Variants in ATF3 observed in about 807,000 individuals in gnomAD.
ATF3 encodes the protein cyclic AMP-dependent transcription factor ATF-3.
ATF3 carries 10 observed loss-of-function variants against 18.4 expected under a neutral mutation model. That is an observed-to-expected ratio of 0.54 (90% CI 0.34 to 0.92). The LOEUF is 0.92. Among genes scored for constraint, ATF3 ranks in the 40% least tolerant of loss-of-function variants. The pLI is 0.02. For synonymous variants in ATF3, 78 were observed against 87.9 expected (o/e 0.89, Z 0.63); for missense variants, 183 against 222.3 (o/e 0.82, Z 1.12).
At chr1:212,615,458 G>T (rs374084210) in intron 2 of ATF3, among the ~76,000 whole-genome samples, 197 bp downstream of exon 2, 2 of 152,116 alleles carry the variant, frequency 1.3e-5, no homozygotes, top group East Asian at 3.9e-4. Context: ...TGAGTGCAAA[G>T]GAGAAAAAAG....
chr1:212,616,801 T>C (rs1655148265), intron 2 of ATF3, among the ~76,000 whole-genome samples: 1 of 151,964 alleles, frequency 6.6e-6, no homozygotes, highest in South Asian at 2.1e-4. Flanking sequence ...TGCTGATAGA[T>C]TGGATGTGGG....
At chr1:212,589,701 AAAAG>A (rs1369496691) in intron 1 of ATF3, among the ~76,000 whole-genome samples, 2 of 151,888 alleles carry the variant, frequency 1.3e-5, no homozygotes, top group East Asian at 3.8e-4. Flanking sequence ...AAAAGAAAGA[AAAAG>A]AAGAAGAAAA....
rs754360451 is a variant in ATF3, at chr1:212,615,027, G to A, written c.6G>A (p.Met2Ile). 1 of 1,614,174 alleles carries A rather than the reference G, an allele frequency of 6.2e-7. No individual in the cohort carries two copies. The highest frequency in any genetic ancestry group is 1.1e-5 in the South Asian group (1 of 91,082). Residue 2 changes from methionine to isoleucine, a missense_variant, in exon 2 of 4, where the codon ATG becomes ATA. Coordinates refer to ENST00000341491, the MANE Select transcript of ATF3 (RefSeq NM_001674.4). Reference protein sequence around the residue: MMLQHPGQVSAS... With the variant: MILQHPGQVSAS... The stretch of plus-strand genomic sequence containing the variant: ...TCAATGTGTCTTTCAGCAAAATGAT[G>A]CTTCAACACCCAGGCCAGGTCTCTG...
intron 1 of ATF3, among the ~76,000 whole-genome samples, chr1:212,594,948 CA>C (rs1664961359): frequency 6.6e-6 from 1 of 152,154 alleles, no homozygotes; most frequent in Non-Finnish European, 1.5e-5. Flanking sequence ...GGCTCACAGC[CA>C]TTCCGATTCT....
intron 1 of ATF3, among the ~76,000 whole-genome samples, chr1:212,575,076 A>C (rs1236800288): frequency 6.6e-6 from 1 of 152,114 alleles, no homozygotes; most frequent in Non-Finnish European, 1.5e-5. Flanking sequence ...ATAAATATGG[A>C]GATGGCTAAT....
intron 1 of ATF3, among the ~76,000 whole-genome samples, chr1:212,593,560 T>A (rs1232357163): frequency 6.6e-6 from 1 of 151,262 alleles, no homozygotes; most frequent in Non-Finnish European, 1.5e-5. Flanking sequence ...CAAAGTGAGA[T>A]CATCTGTACT....
chr1:212,594,261 C>T (rs1664947837), intron 1 of ATF3, among the ~76,000 whole-genome samples: 1 of 152,180 alleles, frequency 6.6e-6, no homozygotes, highest in Non-Finnish European at 1.5e-5. Context: ...AGTCTACATG[C>T]TTCATGAATT....
chr1:212,580,306 C>G (rs970890054), intron 1 of ATF3, among the ~76,000 whole-genome samples: 2 of 151,824 alleles, frequency 1.3e-5, no homozygotes, highest in Non-Finnish European at 2.9e-5. Context: ...ATTTTCACTA[C>G]TGTTTACTTT....
intron 1 of ATF3, among the ~76,000 whole-genome samples, chr1:212,611,581 C>T (rs557153860): frequency 6.6e-6 from 1 of 152,224 alleles, no homozygotes; most frequent in South Asian, 2.1e-4. Context: ...CAGCTTTGCA[C>T]CTCTTCAAGA....
At chr1:212,616,270 AAC>A (rs546591079) in intron 2 of ATF3, among the ~76,000 whole-genome samples, 17 of 150,288 alleles carry the variant, frequency 1.1e-4, no homozygotes, top group South Asian at 2.1e-4. Context: ...AACAAGATTC[AAC>A]ACACACACAC....
At chr1:212,585,497 A>G (rs1664764087) in intron 1 of ATF3, among the ~76,000 whole-genome samples, 1 of 152,046 alleles carries the variant, frequency 6.6e-6, no homozygotes, top group Non-Finnish European at 1.5e-5. Flanking sequence ...GCCACCTCAA[A>G]CCACCCCATC....
At chr1:212,567,987 G>C (rs1416277516) in intron 1 of ATF3, among the ~76,000 whole-genome samples, 1 of 152,190 alleles carries the variant, frequency 6.6e-6, no homozygotes, top group African/African-American at 2.4e-5. Flanking sequence ...CTTTGCCTAT[G>C]TCAGAAGAAG....
chr1:212,575,015 C>A (rs1664548466), intron 1 of ATF3, among the ~76,000 whole-genome samples: 1 of 152,100 alleles, frequency 6.6e-6, no homozygotes, highest in Non-Finnish European at 1.5e-5. Flanking sequence ...TGTGCACACA[C>A]ACACACGCAT....
chr1:212,582,668 A>G (rs994722363), intron 1 of ATF3, among the ~76,000 whole-genome samples: 1 of 152,172 alleles, frequency 6.6e-6, no homozygotes, highest in Non-Finnish European at 1.5e-5. Flanking sequence ...TTCAACAGTC[A>G]AAGCTCCTGA....
chr1:212,618,441 C>T lies in ATF3; in HGVS notation c.348+207C>T, dbSNP rs1048073627. On this transcript the variant is annotated intron_variant, in intron 3 of 3. Transcript: ENST00000341491. The surrounding 1 kb of genome is among the most constrained non-coding windows in gnomAD (Gnocchi z 4.4). ...GGATGTGACGGTGGATGTATAAAAA[C>T]AGGTGTGTGAATTCGTCTGATGCCT... is the stretch of plus-strand genomic sequence containing the variant. The T allele has an allele frequency of 4.8e-5, 29 of 608,820 alleles. No individual in the cohort carries two copies. The Admixed American group carries it at 5.9e-4, about 12-fold the overall frequency. The allele number at this position is 608,820 out of a possible 1,614,324, so 37.7% of individuals were successfully genotyped here.
chr1:212,598,767 C>G (rs978205995), intron 1 of ATF3, among the ~76,000 whole-genome samples: 1 of 152,182 alleles, frequency 6.6e-6, no homozygotes, highest in Non-Finnish European at 1.5e-5. Flanking sequence ...TCAGTTTCAT[C>G]CATGTTGTTG....
At chr1:212,612,096 A>C (rs981770573) in intron 1 of ATF3, among the ~76,000 whole-genome samples, 1 of 152,246 alleles carries the variant, frequency 6.6e-6, no homozygotes, top group African/African-American at 2.4e-5. Context: ...TATCCCGAGA[A>C]GTTAAGCTTT....
chr1:212,613,895 G>A (rs964364516), intron 1 of ATF3: 3 of 152,220 alleles, frequency 2.0e-5, no homozygotes, highest in Non-Finnish European at 4.4e-5. Context: ...GGTTCACCGA[G>A]CTATAGAATA....
intron 1 of ATF3, among the ~76,000 whole-genome samples, chr1:212,577,217 G>C (rs997765325): frequency 6.6e-6 from 1 of 152,100 alleles, no homozygotes; most frequent in African/African-American, 2.4e-5. Flanking sequence ...TCTATGAGAA[G>C]GCTGCTGTCA....
Sources: allele counts gnomAD v4.1 joint callset (sites outside exome capture counted in the v4.1 genomes callset), GRCh38; gene constraint gnomAD v4.1.1; non-coding constraint Gnocchi (gnomAD v3.1); transcripts MANE v1.5; gene names NCBI Gene and HGNC (gene_info 2026-07-23, HGNC 2026-07-21).